Variants in DZANK1 observed in about 807,000 individuals in gnomAD.
DZANK1 encodes the protein double zinc ribbon and ankyrin repeat domains 1.
DZANK1 carries 91 observed loss-of-function variants against 94.5 expected under a neutral mutation model. The ratio of observed to expected loss-of-function variants is 0.96; its 90% confidence interval spans 0.81 to 1.15. DZANK1 has a LOEUF of 1.15. Among genes scored for constraint, DZANK1 ranks in the 50% most tolerant of loss-of-function variants. DZANK1 has a pLI of 0.00. For synonymous variants in DZANK1, 312 were observed against 325.3 expected, an observed-to-expected ratio of 0.96 and a Z score of 0.44; for missense variants, 903 against 916.4, an observed-to-expected ratio of 0.99 and a Z score of 0.19.
At chr20:18,394,932 C>T (rs2148234385) in intron 15 of DZANK1, 1 of 455,102 alleles carries the variant, frequency 2.2e-6, no homozygotes, top group South Asian at 1.6e-5. Context: ...TGGGCGTCTA[C>T]ATAATGAGGC....
At chr20:18,401,350 C>T (rs761346567) in intron 13 of DZANK1, among the ~76,000 whole-genome samples, 3 of 152,110 alleles carry the variant, frequency 2.0e-5, no homozygotes, top group African/African-American at 4.8e-5. Flanking sequence ...CCAGGCTGAA[C>T]GAGGGAATTC....
At chr20:18,417,923 TA>T (rs1328823292) in intron 10 of DZANK1, among the ~76,000 whole-genome samples, 1 of 151,966 alleles carries the variant, frequency 6.6e-6, no homozygotes, top group Admixed American at 6.6e-5. Flanking sequence ...CCATGTCTAC[TA>T]AAAATACAAA....
At chr20:18,462,100 A>G (rs981214461) in intron 2 of DZANK1, among the ~76,000 whole-genome samples, 2 of 152,078 alleles carry the variant, frequency 1.3e-5, no homozygotes, top group African/African-American at 4.8e-5. Flanking sequence ...TCTTTCTTGC[A>G]TTTTGAGTAA....
chr20:18,388,990 T>C (rs2048683571), intron 19 of DZANK1, among the ~76,000 whole-genome samples: 1 of 152,238 alleles, frequency 6.6e-6, no homozygotes, highest in Admixed American at 6.5e-5. Flanking sequence ...ATGCCTGTGA[T>C]GTCCCTAGAA....
At chr20:18,400,589 G>A (rs2148316366) in intron 13 of DZANK1, among the ~76,000 whole-genome samples, 1 of 152,350 alleles carries the variant, frequency 6.6e-6, no homozygotes, top group East Asian at 1.9e-4. Flanking sequence ...AGGCATGCTA[G>A]CAATGATGGG....
At chr20:18,394,714 T>TA (rs2056235643) in intron 15 of DZANK1, 1 of 493,390 alleles carries the variant, frequency 2.0e-6, no homozygotes, top group African/African-American at 1.9e-5. Flanking sequence ...TTTCTCTGCT[T>TA]AAAGTCCTTC....
rs187818789 is a variant in DZANK1 at position 18,400,010 on chromosome 20, C to G, written c.1433-1384G>C. 5.9e-5 allele frequency among the ~76,000 whole-genome samples: 9 copies of G among 152,312 alleles called. No individual in the cohort carries two copies. The East Asian group carries it at 1.7e-3, about 29-fold the overall frequency. ...GTTCAGACAAGCCTGCGTTTAAATC[C>G]TAAATCTACCATTTATTAGCTTAGT... On this transcript the variant is annotated intron_variant, in intron 13 of 20. Transcript: ENST00000262547.
chr20:18,449,111 C>G, intron 6 of DZANK1, 42 bp from the exon 7 acceptor site: 1 of 1,499,884 alleles, frequency 6.7e-7, no homozygotes, highest in African/African-American at 1.4e-5. Context: ...GTCATATAGT[C>G]AAAATAACAT....
At chr20:18,397,659 T>A (rs1008125489) in intron 14 of DZANK1, among the ~76,000 whole-genome samples, 1 of 152,208 alleles carries the variant, frequency 6.6e-6, no homozygotes, top group African/African-American at 2.4e-5. Flanking sequence ...AGAGATAGCT[T>A]GTCTTTGCTC....
chr20:18,452,275 G>A (rs968038657), intron 6 of DZANK1, among the ~76,000 whole-genome samples: 1 of 152,128 alleles, frequency 6.6e-6, no homozygotes, highest in Admixed American at 6.5e-5. Context: ...GAGAATGTGT[G>A]TTTCAAATAA....
Position 18,412,771 on chromosome 20 carries a change from A to G in DZANK1, c.1307T>C (p.Val436Ala). ...CTTGCCAGATGGGTAGAAGAGGCCAACAGTCTGTGTTCCTATGTCCCTCTT... is the reference window on the plus strand; with the variant it reads ...CTTGCCAGATGGGTAGAAGAGGCCAGCAGTCTGTGTTCCTATGTCCCTCTT... The change falls in exon 13 of 21, where the codon GTT becomes GCT. Residue 436 changes from valine to alanine, a missense_variant. Val to Ala is a moderately conservative substitution (Grantham distance 64). Coordinates refer to ENST00000262547, the Ensembl canonical transcript of DZANK1. The G allele has an allele frequency of 1.2e-6, 2 of 1,613,908 alleles. No homozygotes were observed. The highest frequency in any genetic ancestry group is 1.7e-6 in the Non-Finnish European group (2 of 1,179,860).
intron 8 of DZANK1, 186 bp from the exon 9 acceptor site, chr20:18,433,951 T>C (rs2058397265): frequency 1.8e-6 from 1 of 555,086 alleles, no homozygotes; most frequent in East Asian, 2.9e-5. Flanking sequence ...GATTTGTTTT[T>C]GTAAAACAAT....
At chr20:18,417,016 C>CA (rs1288477429) in intron 10 of DZANK1, among the ~76,000 whole-genome samples, 7 of 64,664 alleles carry the variant, frequency 1.1e-4, no homozygotes, top group Non-Finnish European at 1.7e-4. Flanking sequence ...TCTTACTGAT[C>CA]AAAAAAACAA....
chr20:18,425,369 G>A (rs2057992189), intron 10 of DZANK1, among the ~76,000 whole-genome samples: 1 of 152,142 alleles, frequency 6.6e-6, no homozygotes, highest in Admixed American at 6.5e-5. Flanking sequence ...TGGCCAACAT[G>A]GTGAAACCCC....
chr20:18,461,710 C>T (rs1192198543), intron 2 of DZANK1, among the ~76,000 whole-genome samples: 1 of 151,774 alleles, frequency 6.6e-6, no homozygotes, highest in East Asian at 1.9e-4. Flanking sequence ...AGCGATTCTC[C>T]TGCCTGAACC....
At chr20:18,386,396 A>T (rs1164166746) in intron 19 of DZANK1, among the ~76,000 whole-genome samples, 1 of 152,238 alleles carries the variant, frequency 6.6e-6, no homozygotes, top group East Asian at 1.9e-4. Context: ...AAACCTGTAG[A>T]ATCAAAGAGA....
chr20:18,393,554 C>T (rs555213695), intron 17 of DZANK1, among the ~76,000 whole-genome samples, 157 bp downstream of exon 17: 2 of 152,208 alleles, frequency 1.3e-5, no homozygotes, highest in South Asian at 4.1e-4. Flanking sequence ...TCTTGAGATA[C>T]TTTAAAGAAG....
chr20:18,440,018 G>A (rs2058670343), intron 8 of DZANK1, among the ~76,000 whole-genome samples: 1 of 152,074 alleles, frequency 6.6e-6, no homozygotes, highest in South Asian at 2.1e-4. Flanking sequence ...TATGACTGAT[G>A]TCTTTATAAG....
At chr20:18,409,754 T>C (rs1675256539) in intron 13 of DZANK1, among the ~76,000 whole-genome samples, 2 of 152,086 alleles carry the variant, frequency 1.3e-5, no homozygotes, top group South Asian at 2.1e-4. Flanking sequence ...AAATAAGATA[T>C]ATTGACCAAT....
Sources: gnomAD v4.1 joint callset for allele counts (sites outside exome capture counted in the v4.1 genomes callset) on GRCh38, gnomAD v4.1.1 for gene constraint, MANE v1.5 for transcripts, NCBI Gene and HGNC (gene_info 2026-07-23, HGNC 2026-07-21) for gene names.